PUS10: variants seen among roughly 807,000 people sequenced by gnomAD.
The protein encoded by PUS10 is pseudouridine synthase 10.
Under a neutral mutation model 75.0 loss-of-function variants are expected in PUS10, and 59 were observed. The ratio of observed to expected loss-of-function variants is 0.79; its 90% confidence interval spans 0.64 to 0.98. The LOEUF is 0.98. Ranked by LOEUF, PUS10 falls within the 50% of genes least tolerant of loss-of-function variation. The pLI is 0.00. For synonymous variants in PUS10, 219 were observed against 211.6 expected (o/e 1.03, Z -0.30); for missense variants, 650 against 614.4 (o/e 1.06, Z -0.61).
intron 11 of PUS10, 131 bp from the exon 12 acceptor site, chr2:60,955,205 TC>T: frequency 2.1e-6 from 1 of 474,166 alleles, no homozygotes; most frequent in Non-Finnish European, 3.7e-6. Flanking sequence ...AGAGTCATCA[TC>T]CCACCTCTAA....
At chr2:60,958,117 C>A (rs1056345042) in intron 11 of PUS10, among the ~76,000 whole-genome samples, 1 of 152,202 alleles carries the variant, frequency 6.6e-6, no homozygotes, top group Non-Finnish European at 1.5e-5. Flanking sequence ...ACCACTCATC[C>A]GCCCACTCCT....
chr2:60,997,018 C>T (rs761443109), intron 4 of PUS10, among the ~76,000 whole-genome samples: 1 of 152,202 alleles, frequency 6.6e-6, no homozygotes, highest in Non-Finnish European at 1.5e-5. Flanking sequence ...GAGTCCTGTT[C>T]TAGCTGATCA....
intron 4 of PUS10, among the ~76,000 whole-genome samples, chr2:60,999,214 TCCCATAAATA>T (rs935678713): frequency 1.3e-5 from 2 of 152,220 alleles, no homozygotes; most frequent in African/African-American, 2.4e-5. Flanking sequence ...AATACTCTTT[TCCCATAAATA>T]CAAATTTAGC....
chr2:60,981,444 A>G (rs1157404031), intron 4 of PUS10, among the ~76,000 whole-genome samples: 1 of 149,614 alleles, frequency 6.7e-6, no homozygotes, highest in East Asian at 2.0e-4. Flanking sequence ...CACCACATCT[A>G]GCTAATTTTT....
At chr2:60,960,556 G>C (rs771641398) in intron 10 of PUS10, 39 bp from the exon 11 acceptor site, 1 of 1,530,728 alleles carries the variant, frequency 6.5e-7, no homozygotes, top group Non-Finnish European at 8.7e-7. Context: ...ATGGAATGGA[G>C]TAATTAACAT....
chr2:61,008,139 G>A (rs1467260257), intron 3 of PUS10, among the ~76,000 whole-genome samples: 1 of 152,056 alleles, frequency 6.6e-6, no homozygotes, highest in Non-Finnish European at 1.5e-5. Flanking sequence ...TCTAATCCCA[G>A]TACTTTGGAG....
At chr2:60,950,031 G>C (rs1202823161) in intron 15 of PUS10, among the ~76,000 whole-genome samples, 1 of 152,158 alleles carries the variant, frequency 6.6e-6, no homozygotes, top group Non-Finnish European at 1.5e-5. Context: ...CATGTGAAAG[G>C]CATAAAGAAA....
intron 4 of PUS10, among the ~76,000 whole-genome samples, chr2:60,977,688 A>G (rs1377219130): frequency 6.6e-6 from 1 of 152,172 alleles, no homozygotes; most frequent in Non-Finnish European, 1.5e-5. Context: ...TGTCCAGCCC[A>G]CTTTTCTCAT....
chr2:61,017,790 C>T, intron 1 of PUS10: 1 of 1,550,394 alleles, frequency 6.4e-7, no homozygotes, highest in Non-Finnish European at 8.7e-7. Context: ...TCCCCCCAAA[C>T]CCTGGGAGAC....
intron 11 of PUS10, 132 bp downstream of exon 11, chr2:60,960,260 T>A: frequency 1.6e-6 from 1 of 621,776 alleles, no homozygotes; most frequent in Non-Finnish European, 2.5e-6. Flanking sequence ...GGGCAGATCG[T>A]TTGAGCCCAG....
chr2:60,960,572 G>A, intron 10 of PUS10, 55 bp from the exon 11 acceptor site: 2 of 1,496,982 alleles, frequency 1.3e-6, no homozygotes, highest in South Asian at 1.3e-5. Flanking sequence ...AACATGGTAG[G>A]ATAAAAAGAG....
chr2:60,955,118 C>T (rs773867522), intron 11 of PUS10, 44 bp from the exon 12 acceptor site: 1 of 1,262,306 alleles, frequency 7.9e-7, no homozygotes, highest in Admixed American at 1.9e-5. Flanking sequence ...GACATCATAG[C>T]TCTAAGATAT....
chr2:60,956,380 TTGTCTTACAGCTGCCCACC>T (rs1675652446), intron 11 of PUS10, among the ~76,000 whole-genome samples: 1 of 152,164 alleles, frequency 6.6e-6, no homozygotes, highest in South Asian at 2.1e-4. Flanking sequence ...GGGCTAGGAT[TTGTCTTACAGCTGCCCACC>T]CCTGTCTCCC....
chr2:60,950,365 G>A (rs900906019), intron 15 of PUS10, among the ~76,000 whole-genome samples: 1 of 152,064 alleles, frequency 6.6e-6, no homozygotes, highest in African/African-American at 2.4e-5. Flanking sequence ...AGCATTTTTA[G>A]GCACATATGT....
At chr2:60,976,015 G>A (rs1322173094) in intron 4 of PUS10, among the ~76,000 whole-genome samples, 2 of 152,096 alleles carry the variant, frequency 1.3e-5, no homozygotes, top group Non-Finnish European at 2.9e-5. Context: ...GCCTACCTCG[G>A]CCTCTCAAAG....
intron 2 of PUS10, among the ~76,000 whole-genome samples, chr2:61,009,670 C>A (rs1259683824): frequency 6.6e-6 from 1 of 152,118 alleles, no homozygotes; most frequent in Non-Finnish European, 1.5e-5. Flanking sequence ...ACCTGCATTT[C>A]TTTGAAACCA....
Position 61,008,781 on chromosome 2 carries a change from C to G in PUS10, c.361G>C (p.Glu121Gln). Residue 121 changes from glutamate (E) to glutamine (Q), a missense_variant, in exon 3 of 18, where the codon GAG (glutamate) becomes CAG (glutamine). By Grantham distance (29) the Glu-to-Gln change is conservative. Transcript: ENST00000316752. ...TTTACCTTTTTAATGAAATCTTTCT[C>G]ACAGAATTCTTGAAGAATTCCTAGG... is the stretch of plus-strand genomic sequence containing the variant. ...VCLGILQEFCEKDFIKKVCQK... is the reference protein window; with the variant it reads ...VCLGILQEFCQKDFIKKVCQK... 1 of 1,585,386 alleles carries G rather than the reference C, an allele frequency of 6.3e-7. No individual in the cohort carries two copies. Among genetic ancestry groups the G allele is most frequent in the South Asian group, 1.2e-5 (1 of 86,200 alleles).
intron 8 of PUS10, among the ~76,000 whole-genome samples, chr2:60,964,494 TTAAC>T (rs1676219128): frequency 6.6e-6 from 1 of 152,208 alleles, no homozygotes. Flanking sequence ...AGAGTGTATG[TTAAC>T]TAACTTGTCC....
chr2:60,975,373 T>TCC (rs1220663349), intron 4 of PUS10, among the ~76,000 whole-genome samples: 1 of 152,046 alleles, frequency 6.6e-6, no homozygotes. Flanking sequence ...TCTCAGTATC[T>TCC]TGACCTCGTG....
Sources: gnomAD v4.1 joint callset for allele counts (sites outside exome capture counted in the v4.1 genomes callset) on GRCh38, gnomAD v4.1.1 for gene constraint, MANE v1.5 for transcripts, NCBI Gene and HGNC (gene_info 2026-07-23, HGNC 2026-07-21) for gene names.